Variants in MRC2 observed in about 807,000 individuals in gnomAD.
MRC2 encodes the protein C-type mannose receptor 2.
Under a neutral mutation model 206.2 loss-of-function variants are expected in MRC2, and 84 were observed. The ratio of observed to expected loss-of-function variants is 0.41; its 90% confidence interval spans 0.34 to 0.49. MRC2 has a LOEUF of 0.49. Among genes scored for constraint, MRC2 ranks in the 20% least tolerant of loss-of-function variants. The pLI is 0.31. For synonymous variants in MRC2, 798 were observed against 800.0 expected (o/e 1.00, Z 0.04); for missense variants, 1,676 against 2,001.5 (o/e 0.84, Z 3.10).
Position 62,681,060 on chromosome 17 carries a change from A to G in MRC2, c.2635-2A>G. The G allele has an allele frequency of 6.2e-7, 1 of 1,613,360 alleles. No individual in the cohort carries two copies. The highest frequency in any genetic ancestry group is 8.5e-7 in the Non-Finnish European group (1 of 1,179,970). Reference sequence around the variant, plus strand: ...CCACACCTGCCCGCCTGGCTTCTCCAGTTCTCCCGGGCCCAGGAGCAGCAC... The same window carrying G: ...CCACACCTGCCCGCCTGGCTTCTCCGGTTCTCCCGGGCCCAGGAGCAGCAC... On this transcript the variant is annotated splice_acceptor_variant, in intron 17 of 29. Transcript: ENST00000303375. LOFTEE classifies it high-confidence loss of function.
Position 62,675,027 on chromosome 17 carries a change from C to T in MRC2, c.1570-763C>T, listed in dbSNP as rs62076155. Among the ~76,000 whole-genome samples the T allele has an allele frequency of 6.6e-6, 1 of 152,172 alleles. No homozygotes were observed. The highest frequency in any genetic ancestry group is 1.5e-5 in the Non-Finnish European group (1 of 68,016). ...ATGGGCGAGGAAGCAGAGGGGAGAG[C>T]AGAGCCCAGCTGCGGAGTCTGTGGA... On this transcript the variant is annotated intron_variant, in intron 9 of 29. Coordinates refer to ENST00000303375, the MANE Select transcript of MRC2 (RefSeq NM_006039.5). The surrounding 1 kb of genome is among the most constrained non-coding windows in gnomAD (Gnocchi z 4.1).
At chr17:62,653,829 T>C (rs959859583) in intron 1 of MRC2, among the ~76,000 whole-genome samples, 5 of 151,992 alleles carry the variant, frequency 3.3e-5, no homozygotes, top group Admixed American at 6.6e-5. Context: ...TGTTGCACAG[T>C]TGGGCGGGGT....
chr17:62,689,926 G>A lies in MRC2; in HGVS notation c.3606G>A (p.Glu1202=). ...GGCGGTACTCCTGGGTCTCAGAGGA[G>A]CCGCTGAACTACGTGGGCTGGCAGG... ...GSRRYSWVSE[E]PLNYVGWQDG... is the part of the protein sequence containing the mutation. The change falls in exon 25 of 30, where the codon GAG becomes GAA. Residue 1202 remains glutamate (E), a synonymous_variant. Transcript: ENST00000303375. The A allele has an allele frequency of 6.2e-7, 1 of 1,606,202 alleles. No homozygotes were observed. Among genetic ancestry groups the A allele is most frequent in the Non-Finnish European group, 8.5e-7 (1 of 1,177,432 alleles).
Position 62,666,933 on chromosome 17 carries a change from G to A in MRC2, c.973+63G>A. On this transcript the variant is annotated intron_variant, in intron 5 of 29. Transcript: ENST00000303375. The surrounding 1 kb of genome is among the most constrained non-coding windows in gnomAD (Gnocchi z 5.0). ...GCCCCGCGGGCTCTTGGCCTCCCAT[G>A]GACTCCTCTCCTCATGTCCTCCTGC... 1 of 1,252,920 alleles carries A rather than the reference G, an allele frequency of 8.0e-7. No homozygotes were observed. Among genetic ancestry groups the A allele is most frequent in the Non-Finnish European group, 1.2e-6 (1 of 867,420 alleles). 77.6% of individuals were successfully genotyped at this position (1,252,920 alleles called of 1,614,324 possible).
At chr17:62,681,683 C>A in intron 18 of MRC2, 154 bp from the exon 19 acceptor site, 1 of 638,040 alleles carries the variant, frequency 1.6e-6, no homozygotes. Context: ...TTTGACTGCC[C>A]TGAGCTCAGT....
chr17:62,661,559 T>TCC (rs1367110237), intron 1 of MRC2: 3 of 145,666 alleles, frequency 2.1e-5, no homozygotes, highest in African/African-American at 7.6e-5. Context: ...TCTTTCTTTC[T>TCC]TTCTCCTTCC....
chr17:62,633,465 T>C (rs2088270523), intron 1 of MRC2, among the ~76,000 whole-genome samples: 1 of 140,084 alleles, frequency 7.1e-6, no homozygotes. Context: ...ATCATGCCAC[T>C]GCACTGCAGC....
In MRC2 at chr17:62,662,986, A is replaced by G. The variant is rs927579597; in HGVS notation, c.119-1562A>G. 2.0e-5 allele frequency among the ~76,000 whole-genome samples: 3 copies of G among 152,352 alleles called. No homozygotes were observed. The East Asian group carries it at 5.8e-4, about 29-fold the overall frequency. On this transcript the variant is annotated intron_variant, in intron 1 of 29. Coordinates refer to ENST00000303375, the MANE Select transcript of MRC2 (RefSeq NM_006039.5). ...TTCATCATTTCAACACATGAAAAGTATCCTGGGGAGCTAGTGGCTAGTGGA... is the reference window on the plus strand; with the variant it reads ...TTCATCATTTCAACACATGAAAAGTGTCCTGGGGAGCTAGTGGCTAGTGGA...
intron 20 of MRC2, among the ~76,000 whole-genome samples, chr17:62,684,164 G>A (rs2089005200): frequency 6.6e-6 from 1 of 152,130 alleles, no homozygotes; most frequent in Non-Finnish European, 1.5e-5. Context: ...GAAAATCAAA[G>A]TTATTTCAAA....
Position 62,666,086 on chromosome 17 carries a change from C to T in MRC2, c.521-8C>T. 5 of 1,580,038 alleles carry T rather than the reference C, an allele frequency of 3.2e-6. No homozygotes were observed. Among genetic ancestry groups the T allele is most frequent in the Non-Finnish European group, 4.3e-6 (5 of 1,162,516 alleles). On this transcript the variant is annotated splice_region_variant and splice_polypyrimidine_tract_variant and intron_variant, in intron 2 of 29. Coordinates refer to ENST00000303375, the MANE Select transcript of MRC2 (RefSeq NM_006039.5). The surrounding 1 kb of genome is among the most constrained non-coding windows in gnomAD (Gnocchi z 5.0). ...GCCAAGGGCCTGGCCCCTGTCCACCCCCTGCAGAGGTCTACACCATCCAGG... is the reference window on the plus strand; with the variant it reads ...GCCAAGGGCCTGGCCCCTGTCCACCTCCTGCAGAGGTCTACACCATCCAGG...
chr17:62,647,189 T>TC lies in MRC2; in HGVS notation c.119-17359_119-17358insC, dbSNP rs1420965830. 1.1e-4 allele frequency among the ~76,000 whole-genome samples: 17 copies of TC among 149,532 alleles called. No individual in the cohort carries two copies. The South Asian group carries it at 1.5e-3, about 13-fold the overall frequency. ...TATATATTCATTTTTTCTTTTTCTT[T>TC]TTTTTTTTTTTTGAGACAGAGTCTT... On this transcript the variant is annotated intron_variant, in intron 1 of 29. Coordinates refer to ENST00000303375, the MANE Select transcript of MRC2 (RefSeq NM_006039.5).
chr17:62,647,990 A>G (rs1265143631), intron 1 of MRC2, among the ~76,000 whole-genome samples: 2 of 152,188 alleles, frequency 1.3e-5, no homozygotes, highest in African/African-American at 4.8e-5. Context: ...CACTGACCAG[A>G]GGAGGACACT....
intron 20 of MRC2, among the ~76,000 whole-genome samples, chr17:62,682,734 T>G (rs1426649338): frequency 6.6e-6 from 1 of 151,758 alleles, no homozygotes; most frequent in African/African-American, 2.4e-5. Context: ...CTCTGCTTCC[T>G]GGGTTCAACC....
chr17:62,635,815 T>C (rs1164741073), intron 1 of MRC2, among the ~76,000 whole-genome samples: 1 of 149,582 alleles, frequency 6.7e-6, no homozygotes, highest in Non-Finnish European at 1.5e-5. Context: ...TGAGACGGAG[T>C]CTCGCTCTGT....
intron 9 of MRC2, 73 bp downstream of exon 9, chr17:62,674,243 TGAACTCCTG>T: frequency 8.9e-7 from 1 of 1,120,356 alleles, no homozygotes; most frequent in Admixed American, 2.6e-5. Context: ...GAGAGGTGGA[TGAACTCCTG>T]CTGCCTCGCA....
rs1465578878 is a variant in MRC2 at position 62,688,581 on chromosome 17, G to T, written c.3142G>T (p.Val1048Leu). Residue 1048 changes from valine to leucine, a missense_variant, in exon 22 of 30, where the codon GTG becomes TTG. Around this residue, in one of 3 missense-constraint regions of MRC2, gnomAD observed 1,354 missense variants for 1,636.6 expected, o/e 0.83. Transcript: ENST00000303375. ...LHASQRDFQWVEQEPLMYANW... is the reference protein window; with the variant it reads ...LHASQRDFQWLEQEPLMYANW... Reference sequence around the variant, plus strand: ...TGCCTCGCAGAGGGACTTCCAGTGGGTGGAGCAGGAGCCTTTGATGTATGC... The same window carrying T: ...TGCCTCGCAGAGGGACTTCCAGTGGTTGGAGCAGGAGCCTTTGATGTATGC... 1 of 1,614,244 alleles carries T rather than the reference G, an allele frequency of 6.2e-7. No homozygotes were observed. The highest frequency in any genetic ancestry group is 1.7e-5 in the Admixed American group (1 of 60,036).
chr17:62,667,021 T>A lies in MRC2; in HGVS notation c.973+151T>A. The A allele has an allele frequency of 1.5e-6, 1 of 677,730 alleles. No homozygotes were observed. The highest frequency in any genetic ancestry group is 2.5e-6 in the Non-Finnish European group (1 of 394,746). 42.0% of individuals were successfully genotyped at this position (677,730 alleles called of 1,614,324 possible). ...CCCCCCTCCCCAGACTGCGCCCCCCTAGCCCATGTAGGGCGGCGCTGCCCC... is the reference window on the plus strand; with the variant it reads ...CCCCCCTCCCCAGACTGCGCCCCCCAAGCCCATGTAGGGCGGCGCTGCCCC... On this transcript the variant is annotated intron_variant, in intron 5 of 29. Coordinates refer to ENST00000303375, the MANE Select transcript of MRC2 (RefSeq NM_006039.5). The surrounding 1 kb of genome is among the most constrained non-coding windows in gnomAD (Gnocchi z 4.1).
At chr17:62,651,169 C>T (rs562068489) in intron 1 of MRC2, among the ~76,000 whole-genome samples, 12 of 152,044 alleles carry the variant, frequency 7.9e-5, no homozygotes, top group Admixed American at 3.3e-4. Flanking sequence ...CTGCAACCTC[C>T]GCCTCCTGGG....
intron 9 of MRC2, among the ~76,000 whole-genome samples, chr17:62,674,864 T>C (rs1027450417): frequency 4.6e-5 from 7 of 152,092 alleles, no homozygotes; most frequent in African/African-American, 1.4e-4. Flanking sequence ...TGCTTGGCCC[T>C]TGGCCCCCCC....
Sources: gnomAD v4.1 joint callset for allele counts (sites outside exome capture counted in the v4.1 genomes callset) on GRCh38, gnomAD v4.1.1 for gene constraint, gnomAD v4.1.1 regional missense constraint, Gnocchi (gnomAD v3.1) non-coding constraint, MANE v1.5 for transcripts, NCBI Gene and HGNC (gene_info 2026-07-23, HGNC 2026-07-21) for gene names.